Variants in PARPBP observed in about 807,000 individuals in gnomAD.
The protein encoded by PARPBP is PCNA-interacting partner.
A neutral mutation model predicts 50.0 loss-of-function variants in PARPBP; 52 were observed. The ratio of observed to expected loss-of-function variants is 1.04; its 90% confidence interval spans 0.83 to 1.31. The LOEUF (loss-of-function observed/expected upper bound fraction) is 1.31, where lower values mean the gene tolerates loss of function less well. Among genes scored for constraint, PARPBP ranks in the 50% most tolerant of loss-of-function variants. The pLI is 0.00. For synonymous variants in PARPBP, 244 were observed against 232.1 expected, an observed-to-expected ratio of 1.05 and a Z score of -0.47; for missense variants, 697 against 672.0, an observed-to-expected ratio of 1.04 and a Z score of -0.41.
intron 3 of PARPBP, among the ~76,000 whole-genome samples, chr12:102,153,371 G>A (rs1486133818): frequency 1.3e-5 from 2 of 152,126 alleles, no homozygotes; most frequent in Admixed American, 6.5e-5. Flanking sequence ...TTTGAGACAG[G>A]GTATCACTCT....
chr12:102,145,840 G>T (rs566526434), intron 2 of PARPBP, among the ~76,000 whole-genome samples: 1 of 152,134 alleles, frequency 6.6e-6, no homozygotes. Flanking sequence ...GAGCTGAGAA[G>T]AATCAAAATT....
chr12:102,157,180 G>A (rs1887042315), intron 4 of PARPBP, among the ~76,000 whole-genome samples: 1 of 151,996 alleles, frequency 6.6e-6, no homozygotes, highest in Non-Finnish European at 1.5e-5. Context: ...TAATACTCTT[G>A]TAATACTCTA....
At chr12:102,136,631 G>A (rs1283900273) in intron 2 of PARPBP, among the ~76,000 whole-genome samples, 1 of 152,052 alleles carries the variant, frequency 6.6e-6, no homozygotes, top group African/African-American at 2.4e-5. Flanking sequence ...TCAGACTCTG[G>A]GTGGGAAAGA....
At chr12:102,163,093 C>T (rs1444662798) in intron 4 of PARPBP, among the ~76,000 whole-genome samples, 2 of 152,144 alleles carry the variant, frequency 1.3e-5, no homozygotes, top group Non-Finnish European at 2.9e-5. Context: ...TGCTCCAACA[C>T]CAATTATTGA....
At chr12:102,122,785 G>T (rs192029652) in intron 1 of PARPBP, among the ~76,000 whole-genome samples, 13 of 152,294 alleles carry the variant, frequency 8.5e-5, no homozygotes, top group Admixed American at 7.8e-4. Flanking sequence ...TGACGTGGAG[G>T]TTATTAGGTA....
intron 4 of PARPBP, among the ~76,000 whole-genome samples, chr12:102,160,053 A>G (rs1209942778): frequency 1.3e-5 from 2 of 152,206 alleles, no homozygotes; most frequent in African/African-American, 4.8e-5. Flanking sequence ...GATGTTTTCA[A>G]TTTAGGCCCT....
intron 5 of PARPBP, 60 bp downstream of exon 5, chr12:102,164,668 A>T (rs772389476): frequency 5.1e-6 from 7 of 1,376,228 alleles, no homozygotes; most frequent in Non-Finnish European, 7.2e-6. Flanking sequence ...CATGTATCCT[A>T]ATATGCTTGT....
chr12:102,190,641 G>A (rs1890711122), intron 9 of PARPBP, among the ~76,000 whole-genome samples: 1 of 152,120 alleles, frequency 6.6e-6, no homozygotes, highest in Non-Finnish European at 1.5e-5. Flanking sequence ...AGGAGGTCAT[G>A]GTTTCCTGGT....
At chr12:102,156,643 G>A (rs1044668459) in intron 4 of PARPBP, among the ~76,000 whole-genome samples, 1 of 151,974 alleles carries the variant, frequency 6.6e-6, no homozygotes, top group Non-Finnish European at 1.5e-5. Flanking sequence ...TATTTATTTT[G>A]CTTATTATTT....
At chr12:102,194,799 C>G (rs1189940542) in intron 9 of PARPBP, among the ~76,000 whole-genome samples, 1 of 151,550 alleles carries the variant, frequency 6.6e-6, no homozygotes, top group African/African-American at 2.4e-5. Flanking sequence ...CTTGCAGTTT[C>G]TTTGCTAGTT....
intron 10 of PARPBP, 65 bp from the exon 11 acceptor site, chr12:102,195,886 A>C: frequency 9.6e-7 from 1 of 1,042,366 alleles, no homozygotes; most frequent in African/African-American, 1.6e-5. Flanking sequence ...TTTATTGTAA[A>C]GTTCTCGTAA....
chr12:102,175,154 T>C (rs1216504508), intron 6 of PARPBP, among the ~76,000 whole-genome samples: 2 of 152,228 alleles, frequency 1.3e-5, no homozygotes, highest in African/African-American at 4.8e-5. Context: ...TCTTGTTATT[T>C]TAGTTGTATC....
Position 102,175,622 on chromosome 12 carries a change from G to C in PARPBP, c.961G>C (p.Glu321Gln), listed in dbSNP as rs775373107. ...LRIKNIINSQ[E>Q]GVVALSTTDI... The stretch of plus-strand genomic sequence containing the variant: ...GATTAAAAATATTATCAATTCTCAA[G>C]AAGGTGTTGTAGCTCTTAGCACCAC... The change falls in exon 7 of 11, where the codon GAA becomes CAA. Residue 321 changes from glutamate to glutamine, a missense_variant. Glu to Gln is a conservative substitution (Grantham distance 29). Transcript: ENST00000327680. The C allele has an allele frequency of 8.7e-6, 14 of 1,613,454 alleles. No individual in the cohort carries two copies. Among genetic ancestry groups the C allele is most frequent in the African/African-American group, 4.0e-5 (3 of 74,920 alleles).
chr12:102,195,596 A>T, intron 10 of PARPBP, 149 bp downstream of exon 10: 2 of 617,820 alleles, frequency 3.2e-6, no homozygotes, highest in Middle Eastern at 4.2e-4. Flanking sequence ...TAAAAAGTTA[A>T]ATCTAAGTAC....
intron 4 of PARPBP, chr12:102,155,124 G>T: frequency 4.8e-6 from 1 of 207,626 alleles, no homozygotes; most frequent in East Asian, 1.3e-4. Flanking sequence ...TACCTCACAT[G>T]TACTGATTGA....
At chr12:102,145,809 G>T (rs1885264090) in intron 2 of PARPBP, among the ~76,000 whole-genome samples, 1 of 152,132 alleles carries the variant, frequency 6.6e-6, no homozygotes, top group Non-Finnish European at 1.5e-5. Context: ...GCACTTGTTT[G>T]TTACAGTTTC....
chr12:102,195,873 A>C (rs1891262539), intron 10 of PARPBP, 78 bp from the exon 11 acceptor site: 1 of 893,824 alleles, frequency 1.1e-6, no homozygotes, highest in Non-Finnish European at 1.7e-6. Flanking sequence ...GCCATTTTTA[A>C]AGTTTATTGT....
chr12:102,141,347 C>A (rs1298920342), intron 2 of PARPBP, among the ~76,000 whole-genome samples: 1 of 151,914 alleles, frequency 6.6e-6, no homozygotes, highest in African/African-American at 2.4e-5. Flanking sequence ...GGTAGATCTT[C>A]CTCCATCCCT....
intron 2 of PARPBP, among the ~76,000 whole-genome samples, chr12:102,137,661 C>G (rs977595482): frequency 2.0e-5 from 3 of 152,066 alleles, no homozygotes; most frequent in Admixed American, 6.6e-5. Context: ...CCGCTCCCCC[C>G]ACCCCACGAC....
Sources: allele counts gnomAD v4.1 joint callset (sites outside exome capture counted in the v4.1 genomes callset), GRCh38; gene constraint gnomAD v4.1.1; transcripts MANE v1.5; gene names NCBI Gene and HGNC (gene_info 2026-07-23, HGNC 2026-07-21).